The following COG5 variants were observed in gnomAD, a reference collection of about 807,000 sequenced individuals.
The protein encoded by COG5 is conserved oligomeric Golgi complex subunit 5.
A neutral mutation model predicts 110.4 loss-of-function variants in COG5; 86 were observed. That is an observed-to-expected ratio of 0.78 (90% CI 0.65 to 0.93). The LOEUF is 0.93. Among genes scored for constraint, COG5 ranks in the 40% least tolerant of loss-of-function variants. COG5 has a pLI of 0.00. For missense variants in COG5, 1,077 were observed against 987.0 expected (o/e 1.09, Z -1.22); for synonymous variants, 360 against 334.6 (o/e 1.08, Z -0.83).
At chr7:107,547,851 G>T in intron 5 of COG5, 1 of 426,230 alleles carries the variant, frequency 2.3e-6, no homozygotes, top group Non-Finnish European at 4.2e-6. Context: ...TACATTGAAA[G>T]CTATAAAACA....
intron 8 of COG5, among the ~76,000 whole-genome samples, chr7:107,366,788 C>A (rs1813663932): frequency 6.6e-6 from 1 of 152,098 alleles, no homozygotes; most frequent in African/African-American, 2.4e-5. Flanking sequence ...TACCTCTTAT[C>A]CAATTCTCCC....
At chr7:107,409,113 C>T (rs373108516) in intron 7 of COG5, among the ~76,000 whole-genome samples, 14 of 147,682 alleles carry the variant, frequency 9.5e-5, no homozygotes, top group African/African-American at 3.0e-4. Context: ...TGGGAATATA[C>T]GAGATCATCA....
intron 6 of COG5, among the ~76,000 whole-genome samples, chr7:107,519,352 G>C (rs551202330): frequency 6.6e-6 from 1 of 152,026 alleles, no homozygotes; most frequent in Admixed American, 6.5e-5. Flanking sequence ...AAAAATTAAT[G>C]AATCCAGGAG....
At chr7:107,204,072 T>A (rs1474839101) in intron 21 of COG5, among the ~76,000 whole-genome samples, 1 of 152,218 alleles carries the variant, frequency 6.6e-6, no homozygotes, top group Non-Finnish European at 1.5e-5. Flanking sequence ...GTAACACCAG[T>A]AGATGCATTA....
chr7:107,355,983 T>C (rs1329627918), intron 10 of COG5, among the ~76,000 whole-genome samples: 3 of 152,258 alleles, frequency 2.0e-5, no homozygotes, highest in East Asian at 3.8e-4. Context: ...CTTAGCACGG[T>C]ATAGTCCCAT....
At position 107,293,277 on chromosome 7, in the gene COG5, G is replaced by C. The variant is rs569955129; in HGVS notation, c.1313+4865C>G. Among the ~76,000 whole-genome samples the C allele has an allele frequency of 4.9e-4, 75 of 152,168 alleles. 1 individual carries two copies. The highest frequency in any genetic ancestry group is 1.8e-3 in the African/African-American group (74 of 41,524). ...ATGGGAGCTCCCTACTCCTGACCTC[G>C]CTTACCTGAAAGTTAGCCTCAGCAG... On this transcript the variant is annotated intron_variant, in intron 12 of 21. Transcript: ENST00000297135.
chr7:107,329,270 C>G (rs948693328), intron 10 of COG5, among the ~76,000 whole-genome samples: 14 of 151,966 alleles, frequency 9.2e-5, no homozygotes, highest in Non-Finnish European at 1.6e-4. Context: ...CTAAGAAGGA[C>G]ACATAGCTGT....
chr7:107,549,790 T>A (rs1034285565), intron 3 of COG5, among the ~76,000 whole-genome samples: 2 of 152,102 alleles, frequency 1.3e-5, no homozygotes, highest in African/African-American at 4.8e-5. Flanking sequence ...CCTCTACATG[T>A]GCTGGAGTAC....
intron 5 of COG5, among the ~76,000 whole-genome samples, chr7:107,530,872 A>T (rs1016526042): frequency 6.6e-5 from 10 of 152,076 alleles, no homozygotes; most frequent in African/African-American, 2.4e-4. Context: ...TAACACAAGC[A>T]TGGAAAACCA....
At chr7:107,226,326 C>T (rs142793397) in intron 19 of COG5, among the ~76,000 whole-genome samples, 1 of 152,160 alleles carries the variant, frequency 6.6e-6, no homozygotes, top group African/African-American at 2.4e-5. Context: ...GATGCCTATT[C>T]TTTGTCACAG....
chr7:107,541,698 T>C lies in COG5; in HGVS notation c.417+6413A>G, dbSNP rs553013749. 2.0e-5 allele frequency among the ~76,000 whole-genome samples: 3 copies of C among 150,724 alleles called. No individual in the cohort carries two copies. The South Asian group carries it at 6.3e-4, about 32-fold the overall frequency. On this transcript the variant is annotated intron_variant, in intron 5 of 21. Coordinates refer to ENST00000297135, the MANE Select transcript of COG5 (RefSeq NM_006348.5). ...CTGTAATCCCAGCACTTTGGGAGGCTGAGGCGTGCGGATCACGAGGTCAGA... is the reference window on the plus strand; with the variant it reads ...CTGTAATCCCAGCACTTTGGGAGGCCGAGGCGTGCGGATCACGAGGTCAGA...
intron 6 of COG5, chr7:107,475,362 G>C (rs1408101264): frequency 1.4e-6 from 2 of 1,396,486 alleles, no homozygotes; most frequent in East Asian, 2.4e-5. Context: ...TCACAGACTA[G>C]AGAAAAGTCT....
At chr7:107,482,665 C>G (rs868640400) in intron 6 of COG5, among the ~76,000 whole-genome samples, 2 of 151,818 alleles carry the variant, frequency 1.3e-5, no homozygotes, top group Non-Finnish European at 2.9e-5. Flanking sequence ...ATTATATATA[C>G]TATAATCCAG....
In COG5 at chr7:107,248,509, A is replaced by AG. The variant is rs760088036; in HGVS notation, c.1750-11_1750-10insC. The stretch of plus-strand genomic sequence containing the variant: ...TAAGAGCATGAATAGCCTAAAAAAA[A>AG]AAAAGAAAGAAAAAAAAGAAGAGGC... On this transcript the variant is annotated splice_polypyrimidine_tract_variant and intron_variant, in intron 16 of 21. Transcript: ENST00000297135. 1 of 1,564,140 alleles carries AG rather than the reference A, an allele frequency of 6.4e-7. No individual in the cohort carries two copies. Among genetic ancestry groups the AG allele is most frequent in the East Asian group, 2.2e-5 (1 of 44,666 alleles).
At chr7:107,468,063 G>T (rs1242372473) in intron 6 of COG5, among the ~76,000 whole-genome samples, 1 of 152,146 alleles carries the variant, frequency 6.6e-6, no homozygotes, top group Non-Finnish European at 1.5e-5. Flanking sequence ...TGTTTGACTT[G>T]CCAAAAGTTA....
At chr7:107,549,133 A>C (rs1802690258) in intron 3 of COG5, 1 of 152,184 alleles carries the variant, frequency 6.6e-6, no homozygotes, top group African/African-American at 2.4e-5. Context: ...AAAGATTCCC[A>C]CTTTTCTGCT....
intron 6 of COG5, among the ~76,000 whole-genome samples, chr7:107,523,680 T>C (rs1232989739): frequency 6.6e-6 from 1 of 152,006 alleles, no homozygotes; most frequent in Non-Finnish European, 1.5e-5. Context: ...CCGGGCATGG[T>C]GGTGGGCGCC....
intron 7 of COG5, among the ~76,000 whole-genome samples, chr7:107,411,769 G>A (rs1365402488): frequency 6.6e-6 from 1 of 152,048 alleles, no homozygotes; most frequent in Non-Finnish European, 1.5e-5. Flanking sequence ...CATTGTTTCT[G>A]TCCAACATAA....
rs191362599 is a variant in COG5 at position 107,281,535 on chromosome 7, G to A, written c.1476-136C>T. On this transcript the variant is annotated intron_variant, in intron 13 of 21. Coordinates refer to ENST00000297135, the MANE Select transcript of COG5 (RefSeq NM_006348.5). ...ATTTCACTGCTTCCAAGAACTGGTT[G>A]CATTGTTTCATTTTACCCCCTAATT... The A allele has an allele frequency of 8.4e-5, 60 of 712,086 alleles. 1 individual carries two copies. The highest frequency in any genetic ancestry group is 6.4e-4 in the African/African-American group (36 of 56,616). 44.1% of individuals were successfully genotyped at this position (712,086 alleles called of 1,614,324 possible). A position where few individuals can be genotyped will look rare whatever the true frequency, so the allele number is the denominator to read the frequency against.
Sources: allele counts gnomAD v4.1 joint callset (sites outside exome capture counted in the v4.1 genomes callset), GRCh38; gene constraint gnomAD v4.1.1; transcripts MANE v1.5; gene names NCBI Gene and HGNC (gene_info 2026-07-23, HGNC 2026-07-21).